DNAH9: variants seen among roughly 807,000 people sequenced by gnomAD.
DNAH9 encodes the protein dynein axonemal heavy chain 9, also known as DNAH9 variant protein.
A neutral mutation model predicts 471.6 loss-of-function variants in DNAH9; 345 were observed. The observed-to-expected ratio is 0.73, with a 90% confidence interval of 0.67 to 0.80. The LOEUF (loss-of-function observed/expected upper bound fraction) is 0.80, where lower values mean the gene tolerates loss of function less well. Ranked by LOEUF, DNAH9 falls within the 30% of genes least tolerant of loss-of-function variation. The pLI, the probability that DNAH9 is intolerant of heterozygous loss-of-function variation, is 0.00. For missense variants in DNAH9, 5,407 were observed against 5,609.2 expected (o/e 0.96, Z 1.15); for synonymous variants, 2,093 against 2,123.6 (o/e 0.99, Z 0.40).
At chr17:11,850,464 C>A (rs1226610764) in intron 49 of DNAH9, among the ~76,000 whole-genome samples, 1 of 152,158 alleles carries the variant, frequency 6.6e-6, no homozygotes, top group Non-Finnish European at 1.5e-5. Context: ...GCCTGACCAA[C>A]ATAATGAAAC....
chr17:11,770,442 G>A (rs926133264), intron 38 of DNAH9, among the ~76,000 whole-genome samples: 1 of 144,066 alleles, frequency 6.9e-6, no homozygotes, highest in African/African-American at 2.9e-5. Flanking sequence ...TCAAAATGCT[G>A]ATGGGGGGGA....
At chr17:11,774,976 G>A (rs1033700262) in intron 38 of DNAH9, among the ~76,000 whole-genome samples, 5 of 151,756 alleles carry the variant, frequency 3.3e-5, no homozygotes, top group African/African-American at 4.8e-5. Flanking sequence ...GAACATAACC[G>A]TCACCTCCAA....
In DNAH9 at chr17:11,937,331, G is replaced by A; in HGVS notation, c.12490-21G>A. ...GGTACGTCCTGGTTTCTTTTTAAGT[G>A]AGCTTGCCCTTGATTTTCAGTACAT... On this transcript the variant is annotated intron_variant, in intron 65 of 68. Coordinates refer to ENST00000262442, the MANE Select transcript of DNAH9 (RefSeq NM_001372.4). This position sits in a 1 kb window ranked among gnomAD's most constrained non-coding sequence, Gnocchi z 4.1. The A allele has an allele frequency of 6.3e-7, 1 of 1,590,136 alleles. No homozygotes were observed. The highest frequency in any genetic ancestry group is 8.6e-7 in the Non-Finnish European group (1 of 1,166,760).
At position 11,680,760 on chromosome 17, in the gene DNAH9, C is replaced by T; in HGVS notation, c.3614C>T (p.Ala1205Val). 2 of 1,614,012 alleles carry T rather than the reference C, an allele frequency of 1.2e-6. No homozygotes were observed. The highest frequency in any genetic ancestry group is 1.1e-5 in the South Asian group (1 of 91,034). ...AAATGGAACAACATAAAAAAGGTGG[C>T]CATTACTGTGAAGCAGCAGGTGGCC... ...PEKWNNIKKV[A>V]ITVKQQVAPL... is the part of the protein sequence containing the mutation. The change falls in exon 19 of 69, where the codon GCC (alanine) becomes GTC (valine). Residue 1205 changes from alanine (A) to valine (V), a missense_variant. Ala to Val is a moderately conservative substitution (Grantham distance 64). Around this residue, in one of 3 missense-constraint regions of DNAH9, gnomAD observed 4,636 missense variants for 4,900.3 expected, o/e 0.95. Transcript: ENST00000262442.
At chr17:11,762,788 T>TTTTTTTTTTTTG (rs1597610213) in intron 35 of DNAH9, among the ~76,000 whole-genome samples, 3 of 121,182 alleles carry the variant, frequency 2.5e-5, no homozygotes, top group Non-Finnish European at 1.7e-5. Context: ...TTTTTTTTTT[T>TTTTTTTTTTTTG]TTTTTTTTTG....
At chr17:11,810,487 C>T (rs1444929454) in intron 45 of DNAH9, 118 bp downstream of exon 45, 5 of 1,324,020 alleles carry the variant, frequency 3.8e-6, no homozygotes, top group African/African-American at 1.5e-5. Context: ...AGGAAGAAAA[C>T]TGACACAGCC....
chr17:11,618,722 G>A (rs2072795832), intron 5 of DNAH9, among the ~76,000 whole-genome samples: 1 of 152,042 alleles, frequency 6.6e-6, no homozygotes, highest in African/African-American at 2.4e-5. Flanking sequence ...CTAACATTTT[G>A]CAGGCTGCAA....
chr17:11,751,936 C>T (rs1200782658), intron 32 of DNAH9, among the ~76,000 whole-genome samples: 1 of 152,096 alleles, frequency 6.6e-6, no homozygotes, highest in Admixed American at 6.5e-5. Flanking sequence ...GGTAACTTTT[C>T]TCAATACTGG....
At chr17:11,783,509 C>A in intron 39 of DNAH9, 137 bp from the exon 40 acceptor site, 1 of 577,660 alleles carries the variant, frequency 1.7e-6, no homozygotes, top group Non-Finnish European at 3.1e-6. Flanking sequence ...TATCTCTTCT[C>A]AATCCCTGCC....
intron 26 of DNAH9, among the ~76,000 whole-genome samples, chr17:11,718,042 T>TTGTGTG (rs57394041): frequency 6.0e-5 from 9 of 149,486 alleles, no homozygotes; most frequent in Admixed American, 1.3e-4. Context: ...CCCATCTCAT[T>TTGTGTG]TGTGTGTGTG....
At chr17:11,673,794 G>T (rs558359575) in intron 17 of DNAH9, among the ~76,000 whole-genome samples, 74 of 151,980 alleles carry the variant, frequency 4.9e-4, no homozygotes, top group Non-Finnish European at 7.6e-4. Flanking sequence ...GATGTTACTA[G>T]GGTCCTAAAT....
chr17:11,712,024 ATATATATATT>A lies in DNAH9; in HGVS notation c.5552+6858_5552+6867del, dbSNP rs1266928743. Reference sequence around the variant, plus strand: ...TATTTGTATATATATTTATATATAAATATATATATTTATATATATTTATATATAAATATAT... The same window carrying A: ...TATTTGTATATATATTTATATATAAATATATATATTTATATATAAATATAT... On this transcript the variant is annotated intron_variant, in intron 26 of 68. Transcript: ENST00000262442. 1.4e-3 allele frequency among the ~76,000 whole-genome samples: 25 copies of A among 18,330 alleles called. 10 individuals carry two copies. The highest frequency in any genetic ancestry group is 3.6e-3 in the African/African-American group (24 of 6,660). The allele number at this position is 18,330 out of a possible 152,430, so 12.0% of individuals were successfully genotyped here.
intron 67 of DNAH9, among the ~76,000 whole-genome samples, chr17:11,944,472 C>A (rs1975046736): frequency 6.6e-6 from 1 of 152,158 alleles, no homozygotes; most frequent in South Asian, 2.1e-4. Context: ...CAGGGCAGAG[C>A]AGCCCACGGT....
chr17:11,845,407 T>G (rs369017301), intron 49 of DNAH9, among the ~76,000 whole-genome samples: 426 of 147,834 alleles, frequency 2.9e-3, no homozygotes, highest in African/African-American at 9.4e-3. Context: ...GTCTATCATT[T>G]TTGGACATTT....
At chr17:11,805,032 C>A (rs79933402) in intron 43 of DNAH9, among the ~76,000 whole-genome samples, 3 of 150,464 alleles carry the variant, frequency 2.0e-5, no homozygotes, top group Non-Finnish European at 4.4e-5. Flanking sequence ...CCAGCCTGGG[C>A]GAGAAAGCAA....
intron 48 of DNAH9, among the ~76,000 whole-genome samples, chr17:11,831,899 ACCAC>A (rs1970698045): frequency 6.6e-6 from 1 of 151,920 alleles, no homozygotes; most frequent in African/African-American, 2.4e-5. Flanking sequence ...CCCATCACCC[ACCAC>A]CACTGTATTG....
chr17:11,670,706 A>ATTTTTT lies in DNAH9; in HGVS notation c.3353+921_3353+926dup, dbSNP rs11320846. ...GAAACCCCAAGAACGCTTTGTGGGGATTTTTTTTTTTTTTGAGATGCAGTT... is the reference window on the plus strand; with the variant it reads ...GAAACCCCAAGAACGCTTTGTGGGGATTTTTTTTTTTTTTTTTTTTGAGATGCAGTT... On this transcript the variant is annotated intron_variant, in intron 17 of 68. Coordinates refer to ENST00000262442, the MANE Select transcript of DNAH9 (RefSeq NM_001372.4). 2.2e-3 allele frequency among the ~76,000 whole-genome samples: 326 copies of ATTTTTT among 145,884 alleles called. 2 individuals are homozygous for ATTTTTT. The highest frequency in any genetic ancestry group is 7.5e-3 in the African/African-American group (299 of 39,926).
intron 33 of DNAH9, among the ~76,000 whole-genome samples, chr17:11,755,791 A>T (rs1034240316): frequency 2.0e-5 from 3 of 152,182 alleles, no homozygotes; most frequent in African/African-American, 4.8e-5. Flanking sequence ...CAAAGAAGGA[A>T]TATATTAGTT....
At chr17:11,609,978 T>C (rs1360486055) in intron 2 of DNAH9, among the ~76,000 whole-genome samples, 1 of 152,196 alleles carries the variant, frequency 6.6e-6, no homozygotes, top group East Asian at 1.9e-4. Context: ...AGCCAACCTA[T>C]TGAGAAAGGT....
Sources: gnomAD v4.1 joint callset for allele counts (sites outside exome capture counted in the v4.1 genomes callset) on GRCh38, gnomAD v4.1.1 for gene constraint, gnomAD v4.1.1 regional missense constraint, Gnocchi (gnomAD v3.1) non-coding constraint, MANE v1.5 for transcripts, NCBI Gene and HGNC (gene_info 2026-07-23, HGNC 2026-07-21) for gene names.